The following TG variants were observed in gnomAD, a reference collection of about 807,000 sequenced individuals.
The protein encoded by TG is thyroglobulin, also known as thyroid hormones.
A neutral mutation model predicts 324.7 loss-of-function variants in TG; 270 were observed. The ratio of observed to expected loss-of-function variants is 0.83; its 90% CI spans 0.75 to 0.92. The LOEUF (loss-of-function observed/expected upper bound fraction) is 0.92, where lower values mean the gene tolerates loss of function less well. TG is among the 40% of genes least tolerant of loss of function. TG has a pLI of 0.00. For missense variants in TG, 3,591 were observed against 3,456.4 expected (o/e 1.04, Z -0.98); for synonymous variants, 1,401 against 1,327.0 (o/e 1.06, Z -1.21).
intron 35 of TG, among the ~76,000 whole-genome samples, chr8:133,010,639 T>C (rs940830550): frequency 2.0e-5 from 3 of 152,146 alleles, no homozygotes; most frequent in African/African-American, 4.8e-5. Flanking sequence ...TTCAGTGTTA[T>C]TTGTGGAAAG....
At chr8:132,993,342 T>G (rs1832562119) in intron 35 of TG, among the ~76,000 whole-genome samples, 7 of 152,232 alleles carry the variant, frequency 4.6e-5, no homozygotes, top group Admixed American at 4.6e-4. Context: ...AGCCAAGTTT[T>G]GAACCCTCCC....
At chr8:132,982,550 C>T (rs192223165) in intron 34 of TG, among the ~76,000 whole-genome samples, 73 of 152,322 alleles carry the variant, frequency 4.8e-4, no homozygotes, top group South Asian at 2.7e-3. Flanking sequence ...TGTTACTCTA[C>T]GCTGCTTCCA....
chr8:133,025,204 C>T (rs1167212283), intron 40 of TG, among the ~76,000 whole-genome samples: 1 of 152,184 alleles, frequency 6.6e-6, no homozygotes, highest in Non-Finnish European at 1.5e-5. Context: ...AGCCATGATG[C>T]AGATTCAGGC....
chr8:132,945,127 G>A (rs528257069), intron 26 of TG, among the ~76,000 whole-genome samples: 66 of 152,350 alleles, frequency 4.3e-4, no homozygotes, highest in African/African-American at 1.4e-3. Flanking sequence ...GAACTTTGAC[G>A]TGAGCGCTTG....
intron 35 of TG, among the ~76,000 whole-genome samples, chr8:132,992,376 C>CTA (rs1283407331): frequency 1.4e-4 from 21 of 152,330 alleles, no homozygotes; most frequent in Admixed American, 1.3e-3. Flanking sequence ...AGAATCAATT[C>CTA]TGTGTGGCTT....
chr8:132,988,473 G>T (rs1222560896), intron 35 of TG, among the ~76,000 whole-genome samples: 1 of 152,084 alleles, frequency 6.6e-6, no homozygotes, highest in East Asian at 1.9e-4. Flanking sequence ...GCAGATCCTT[G>T]CAGGGCTTGA....
At chr8:132,941,591 C>T in intron 26 of TG, 49 bp downstream of exon 26, 3 of 1,608,780 alleles carry the variant, frequency 1.9e-6, no homozygotes, top group Non-Finnish European at 2.6e-6. Flanking sequence ...GGGGAGCACA[C>T]AGGGATGCAG....
At chr8:132,903,773 C>A (rs1393930926) in intron 16 of TG, among the ~76,000 whole-genome samples, 1 of 152,202 alleles carries the variant, frequency 6.6e-6, no homozygotes, top group Non-Finnish European at 1.5e-5. Context: ...TGAATGGCAG[C>A]TCCACCACTC....
At chr8:133,043,166 C>A (rs545464249) in intron 41 of TG, among the ~76,000 whole-genome samples, 13 of 152,198 alleles carry the variant, frequency 8.5e-5, no homozygotes, top group Admixed American at 4.6e-4. Flanking sequence ...GAACATACTG[C>A]GGGAAGGCGC....
intron 45 of TG, among the ~76,000 whole-genome samples, chr8:133,127,004 C>T (rs1483218556): frequency 2.0e-5 from 3 of 152,130 alleles, no homozygotes; most frequent in Non-Finnish European, 2.9e-5. Flanking sequence ...CAAGCACAGG[C>T]TCTCAAATCA....
intron 15 of TG, among the ~76,000 whole-genome samples, chr8:132,900,644 T>C (rs1403247794): frequency 1.3e-5 from 2 of 152,228 alleles, no homozygotes; most frequent in Non-Finnish European, 2.9e-5. Context: ...GCCGGATGTG[T>C]GGCCCTGCCG....
Position 133,110,593 on chromosome 8 carries a change from C to G in TG, c.7573-2829C>G, listed in dbSNP as rs562616361. On this transcript the variant is annotated intron_variant, in intron 43 of 47. Coordinates refer to ENST00000220616, the MANE Select transcript of TG (RefSeq NM_003235.5). ...TAATGCTTCAGTTTTCTAATTGAAA[C>G]CAATTAAACCCATGATGGATACAAG... Among the ~76,000 whole-genome samples the G allele has an allele frequency of 4.3e-4, 66 of 152,290 alleles. 2 individuals carry two copies. The South Asian group carries it at 0.013, about 31-fold the overall frequency.
At chr8:133,126,551 T>C (rs1402208319) in intron 45 of TG, among the ~76,000 whole-genome samples, 4 of 125,488 alleles carry the variant, frequency 3.2e-5, no homozygotes, top group Non-Finnish European at 4.8e-5. Context: ...GTTAGGGGAC[T>C]ACAGCAAATA....
At chr8:133,026,836 G>A (rs1454127346) in intron 40 of TG, among the ~76,000 whole-genome samples, 1 of 152,164 alleles carries the variant, frequency 6.6e-6, no homozygotes, top group African/African-American at 2.4e-5. Flanking sequence ...CACACTGCTA[G>A]GAGCATCAGC....
intron 41 of TG, among the ~76,000 whole-genome samples, chr8:133,085,838 T>A (rs1411800562): frequency 6.6e-6 from 1 of 151,504 alleles, no homozygotes; most frequent in East Asian, 1.9e-4. Context: ...AACACAAGAG[T>A]TTTCATGTGA....
At chr8:133,038,127 C>T (rs990706428) in intron 41 of TG, 6 of 189,886 alleles carry the variant, frequency 3.2e-5, no homozygotes, top group African/African-American at 1.4e-4. Flanking sequence ...TCAGGCTTGC[C>T]CATACAGAAG....
chr8:133,077,443 C>T (rs571641606), intron 41 of TG, among the ~76,000 whole-genome samples: 10 of 152,236 alleles, frequency 6.6e-5, no homozygotes, highest in East Asian at 1.9e-4. Flanking sequence ...ACCCCCAGCC[C>T]GGGGTGTTTA....
chr8:133,010,215 T>C (rs975210505), intron 35 of TG, among the ~76,000 whole-genome samples: 4 of 152,170 alleles, frequency 2.6e-5, no homozygotes, highest in African/African-American at 9.7e-5. Context: ...CTGAAAAATG[T>C]CATATAACTT....
intron 41 of TG, among the ~76,000 whole-genome samples, chr8:133,066,787 G>A (rs1423371859): frequency 1.3e-5 from 2 of 152,318 alleles, no homozygotes; most frequent in Admixed American, 6.5e-5. Flanking sequence ...GTTGTTTTGA[G>A]GTTGAAATTA....
Sources: gnomAD v4.1 joint callset for allele counts (sites outside exome capture counted in the v4.1 genomes callset) on GRCh38, gnomAD v4.1.1 for gene constraint, MANE v1.5 for transcripts, NCBI Gene and HGNC (gene_info 2026-07-23, HGNC 2026-07-21) for gene names.